TLN2: variants seen among roughly 807,000 people sequenced by gnomAD.
The protein encoded by TLN2 is talin-2.
A neutral mutation model predicts 294.7 loss-of-function variants in TLN2; 118 were observed. The ratio of observed to expected loss-of-function variants is 0.40; its 90% CI spans 0.34 to 0.47. The LOEUF (loss-of-function observed/expected upper bound fraction) is 0.47. TLN2 is among the 20% of genes least tolerant of loss of function. The pLI is 0.84. For synonymous variants in TLN2, 1,431 were observed against 1,304.5 expected (o/e 1.10, Z -2.09); for missense variants, 3,083 against 3,282.2 (o/e 0.94, Z 1.48).
intron 48 of TLN2, among the ~76,000 whole-genome samples, chr15:62,797,710 C>T (rs1341725518): frequency 6.6e-6 from 1 of 152,134 alleles, no homozygotes; most frequent in Non-Finnish European, 1.5e-5. Flanking sequence ...AAGGCGGCTC[C>T]TTGTGGGCCA....
intron 1 of TLN2, among the ~76,000 whole-genome samples, chr15:62,456,218 T>C (rs984372745): frequency 5.3e-5 from 8 of 152,238 alleles, no homozygotes; most frequent in Non-Finnish European, 1.5e-5. Context: ...GATCTAAATA[T>C]CCAAGAAGGC....
intron 1 of TLN2, among the ~76,000 whole-genome samples, chr15:62,535,389 G>C (rs1465661807): frequency 6.6e-6 from 1 of 151,970 alleles, no homozygotes; most frequent in African/African-American, 2.4e-5. Context: ...GGCTACTTGG[G>C]AGGCAGAGGC....
At chr15:62,711,015 C>T (rs959729254) in intron 21 of TLN2, among the ~76,000 whole-genome samples, 7 of 152,046 alleles carry the variant, frequency 4.6e-5, no homozygotes, top group African/African-American at 1.4e-4. Context: ...CGTGAGCCAC[C>T]GCGCCTGGCC....
intron 1 of TLN2, among the ~76,000 whole-genome samples, chr15:62,413,323 T>C (rs1303738459): frequency 6.6e-6 from 1 of 152,200 alleles, no homozygotes; most frequent in Non-Finnish European, 1.5e-5. Flanking sequence ...TGTGCTCTGC[T>C]GCCTTGGAAG....
intron 12 of TLN2, among the ~76,000 whole-genome samples, chr15:62,691,881 C>T (rs996886151): frequency 6.6e-5 from 10 of 152,036 alleles, no homozygotes; most frequent in African/African-American, 2.4e-4. Context: ...ACCATGTTGC[C>T]CAGGCTGGTC....
At chr15:62,676,106 AG>A (rs1379591198) in intron 11 of TLN2, among the ~76,000 whole-genome samples, 1 of 152,194 alleles carries the variant, frequency 6.6e-6, no homozygotes, top group Admixed American at 6.5e-5. Context: ...GGCTGCATCC[AG>A]GGACTGAAGT....
At chr15:62,566,076 C>T (rs1280755474) in intron 1 of TLN2, among the ~76,000 whole-genome samples, 1 of 151,966 alleles carries the variant, frequency 6.6e-6, no homozygotes, top group South Asian at 2.1e-4. Flanking sequence ...GGTATGGCTG[C>T]TGCTGATGCA....
chr15:62,660,024 T>C (rs924099273), intron 9 of TLN2, among the ~76,000 whole-genome samples: 27 of 152,198 alleles, frequency 1.8e-4, no homozygotes, highest in African/African-American at 6.3e-4. Context: ...CCAATCTAGC[T>C]TTCATATGTG....
chr15:62,725,824 A>G lies in TLN2; in HGVS notation c.3255+720A>G, dbSNP rs181826133. ...AGGAGCCAAACCACGGTTTGAATTC[A>G]GATTTGCAGGACTCTAAAACCTGTG... On this transcript the variant is annotated intron_variant, in intron 27 of 58. Transcript: ENST00000636159. Among the ~76,000 whole-genome samples, 14 of 152,326 alleles carry G rather than the reference A, an allele frequency of 9.2e-5. No homozygotes were observed. In the East Asian group the frequency reaches 2.7e-3, roughly 29 times the overall value.
At chr15:62,555,339 AC>A in intron 1 of TLN2, among the ~76,000 whole-genome samples, 1 of 152,240 alleles carries the variant, frequency 6.6e-6, no homozygotes, top group East Asian at 1.9e-4. Flanking sequence ...CTTTATATTA[AC>A]CTTTTTTTGT....
intron 1 of TLN2, among the ~76,000 whole-genome samples, chr15:62,512,752 G>A (rs192613473): frequency 2.6e-5 from 4 of 152,282 alleles, no homozygotes; most frequent in East Asian, 3.9e-4. Flanking sequence ...TGTCCACAGT[G>A]TGTTCCAGTT....
intron 3 of TLN2, among the ~76,000 whole-genome samples, chr15:62,643,440 TG>T (rs1232010378): frequency 1.9e-5 from 2 of 107,370 alleles, no homozygotes; most frequent in African/African-American, 6.6e-5. Context: ...TTTTTTTTTT[TG>T]GTATATTGTG....
At chr15:62,688,094 T>C (rs2057445014) in intron 12 of TLN2, among the ~76,000 whole-genome samples, 1 of 152,220 alleles carries the variant, frequency 6.6e-6, no homozygotes, top group South Asian at 2.1e-4. Flanking sequence ...CATCTTGTAA[T>C]ACTATTGGTC....
chr15:62,810,549 T>C (rs552828660), intron 52 of TLN2, among the ~76,000 whole-genome samples: 1 of 152,120 alleles, frequency 6.6e-6, no homozygotes, highest in East Asian at 1.9e-4. Context: ...CAGCCTAGTG[T>C]GCCTAGTGTG....
intron 2 of TLN2, among the ~76,000 whole-genome samples, chr15:62,593,349 G>A (rs1047873484): frequency 2.6e-5 from 4 of 152,228 alleles, no homozygotes; most frequent in African/African-American, 9.7e-5. Flanking sequence ...CCTGGACCTA[G>A]GCTGCGCTCC....
intron 3 of TLN2, among the ~76,000 whole-genome samples, chr15:62,633,237 A>G (rs900900456): frequency 6.6e-6 from 1 of 152,212 alleles, no homozygotes; most frequent in African/African-American, 2.4e-5. Flanking sequence ...CTTGGGCATA[A>G]TGTATACATA....
At chr15:62,783,224 T>C (rs1325013447) in intron 44 of TLN2, among the ~76,000 whole-genome samples, 1 of 152,230 alleles carries the variant, frequency 6.6e-6, no homozygotes, top group Non-Finnish European at 1.5e-5. Flanking sequence ...CACTGACTTA[T>C]CCAGCACTTG....
At chr15:62,515,692 G>A (rs1381535336) in intron 1 of TLN2, among the ~76,000 whole-genome samples, 1 of 152,032 alleles carries the variant, frequency 6.6e-6, no homozygotes, top group Non-Finnish European at 1.5e-5. Context: ...CATTTTAAGT[G>A]CCTTCTGTGC....
At chr15:62,661,719 AAG>A (rs1172539543) in intron 9 of TLN2, among the ~76,000 whole-genome samples, 1 of 152,172 alleles carries the variant, frequency 6.6e-6, no homozygotes, top group Non-Finnish European at 1.5e-5. Flanking sequence ...ATTTTAGACA[AAG>A]AGCAGAGAGA....
Sources: allele counts gnomAD v4.1 joint callset (sites outside exome capture counted in the v4.1 genomes callset), GRCh38; gene constraint gnomAD v4.1.1; transcripts MANE v1.5; gene names NCBI Gene and HGNC (gene_info 2026-07-23, HGNC 2026-07-21).